The following JMJD1C variants were observed in gnomAD, a reference collection of about 807,000 sequenced individuals.
JMJD1C encodes the protein jumonji domain containing 1C.
JMJD1C carries 31 observed loss-of-function variants against 245.3 expected under a neutral mutation model. The ratio of observed to expected loss-of-function variants is 0.13; its 90% CI spans 0.09 to 0.17. The LOEUF is 0.17. Among genes scored for constraint, JMJD1C ranks in the 10% least tolerant of loss-of-function variants. The pLI is 1.00. For synonymous variants in JMJD1C, 1,057 were observed against 1,017.4 expected (o/e 1.04, Z -0.74); for missense variants, 2,691 against 3,000.2 (o/e 0.90, Z 2.41).
intron 3 of JMJD1C, among the ~76,000 whole-genome samples, chr10:63,264,433 A>G (rs1855270134): frequency 6.6e-6 from 1 of 152,172 alleles, no homozygotes; most frequent in African/African-American, 2.4e-5. Context: ...TTGCAACAGA[A>G]CACTGCCTGG....
intron 4 of JMJD1C, among the ~76,000 whole-genome samples, chr10:63,218,710 T>C (rs1848264989): frequency 6.6e-6 from 1 of 151,984 alleles, no homozygotes. Context: ...AGAAACAAAA[T>C]ATTATTTTTT....
At chr10:63,457,243 T>C (rs920419941) in intron 1 of JMJD1C, among the ~76,000 whole-genome samples, 1 of 152,194 alleles carries the variant, frequency 6.6e-6, no homozygotes, top group Non-Finnish European at 1.5e-5. Context: ...AGAACTAAGT[T>C]AATGCCAACG....
chr10:63,295,647 G>A (rs184523859), intron 2 of JMJD1C, among the ~76,000 whole-genome samples: 1 of 152,004 alleles, frequency 6.6e-6, no homozygotes, highest in East Asian at 1.9e-4. Flanking sequence ...CAAATTGTTA[G>A]AGACAAAATT....
Position 63,425,541 on chromosome 10 carries a change from G to T in JMJD1C, c.168+39954C>A, listed in dbSNP as rs189505562. ...TCATGTCTCTAATCCCAGGACTTTG[G>T]GAGGCCAAGACAGGCAGATCGCTTG... On this transcript the variant is annotated intron_variant, in intron 1 of 25. Transcript: ENST00000399262. Among the ~76,000 whole-genome samples, 891 of 152,248 alleles carry T rather than the reference G, an allele frequency of 5.9e-3. 13 individuals carry two copies. The highest frequency in any genetic ancestry group is 0.02 in the African/African-American group (840 of 41,548).
intron 3 of JMJD1C, among the ~76,000 whole-genome samples, chr10:63,238,038 G>A (rs1389935438): frequency 2.8e-5 from 4 of 143,582 alleles, no homozygotes; most frequent in Non-Finnish European, 4.5e-5. Flanking sequence ...AAAAAAAGCC[G>A]GGTATGGAGG....
intron 1 of JMJD1C, among the ~76,000 whole-genome samples, chr10:63,461,023 C>T (rs150523505): frequency 6.6e-6 from 1 of 152,124 alleles, no homozygotes; most frequent in East Asian, 1.9e-4. Flanking sequence ...AAACAACAGC[C>T]CCTTTAATTT....
At chr10:63,366,183 A>C (rs913386737) in intron 2 of JMJD1C, among the ~76,000 whole-genome samples, 8 of 152,196 alleles carry the variant, frequency 5.3e-5, no homozygotes, top group African/African-American at 1.9e-4. Context: ...GCAGGAGACT[A>C]AAGGTCAGCC....
intron 1 of JMJD1C, among the ~76,000 whole-genome samples, chr10:63,413,572 T>G (rs1353622631): frequency 6.6e-6 from 1 of 152,214 alleles, no homozygotes; most frequent in Non-Finnish European, 1.5e-5. Flanking sequence ...GGGGGAAAGA[T>G]TCTTCATAGC....
chr10:63,202,858 G>A, intron 10 of JMJD1C: 1 of 978,420 alleles, frequency 1.0e-6, no homozygotes, highest in Non-Finnish European at 1.2e-6. Flanking sequence ...TTTTTATTTG[G>A]AACACTTGCT....
chr10:63,171,981 GACA>G (rs1180819584), intron 24 of JMJD1C, among the ~76,000 whole-genome samples: 2 of 152,148 alleles, frequency 1.3e-5, no homozygotes, highest in Non-Finnish European at 2.9e-5. Context: ...GTGAATTACG[GACA>G]ACATCCTTTC....
At chr10:63,342,385 A>G (rs1340605156) in intron 2 of JMJD1C, among the ~76,000 whole-genome samples, 1 of 152,234 alleles carries the variant, frequency 6.6e-6, no homozygotes, top group African/African-American at 2.4e-5. Context: ...GAGACCTCTA[A>G]GACAAAAACC....
chr10:63,197,614 A>T lies in JMJD1C; in HGVS notation c.5492-51T>A, dbSNP rs746138132. 6.9e-6 allele frequency: 10 copies of T among 1,453,558 alleles called. No individual in the cohort carries two copies. The African/African-American group carries it at 1.3e-4, about 19-fold the overall frequency. The allele number at this position is 1,453,558 out of a possible 1,614,324, so 90.0% of individuals were successfully genotyped here. ...TTAAAGGCAAACATGCTCTTTTCCAAGGCAATTTTGGCTGAAATACAGAAG... is the reference window on the plus strand; with the variant it reads ...TTAAAGGCAAACATGCTCTTTTCCATGGCAATTTTGGCTGAAATACAGAAG... On this transcript the variant is annotated intron_variant, in intron 12 of 25. Transcript: ENST00000399262.
intron 1 of JMJD1C, among the ~76,000 whole-genome samples, chr10:63,437,381 CCT>C (rs1052631054): frequency 6.6e-6 from 1 of 152,094 alleles, no homozygotes; most frequent in South Asian, 2.1e-4. Flanking sequence ...CAAGCTCTTA[CCT>C]CTCTCTCACT....
chr10:63,354,128 T>C (rs1477390160), intron 2 of JMJD1C, among the ~76,000 whole-genome samples: 1 of 152,196 alleles, frequency 6.6e-6, no homozygotes, highest in Admixed American at 6.5e-5. Flanking sequence ...CATGAGCCAC[T>C]GCGCCTGGCC....
intron 3 of JMJD1C, among the ~76,000 whole-genome samples, chr10:63,255,199 C>A (rs138150922): frequency 6.6e-6 from 1 of 152,298 alleles, no homozygotes; most frequent in Non-Finnish European, 1.5e-5. Flanking sequence ...CAAGTCACAG[C>A]TGAGCTAAAC....
At chr10:63,427,456 C>T in intron 1 of JMJD1C, 1 of 1,160,806 alleles carries the variant, frequency 8.6e-7, no homozygotes, top group Non-Finnish European at 1.3e-6. Context: ...GCTGTCCCAG[C>T]AACTCCTGAC....
chr10:63,508,647 T>C (rs762995877), intron 1 of JMJD1C, among the ~76,000 whole-genome samples: 11 of 152,236 alleles, frequency 7.2e-5, no homozygotes, highest in Non-Finnish European at 1.5e-4. Flanking sequence ...AGTTCTTCTG[T>C]TTTCTTTCAT....
At chr10:63,445,979 G>A (rs1489232144) in intron 1 of JMJD1C, among the ~76,000 whole-genome samples, 7 of 147,090 alleles carry the variant, frequency 4.8e-5, no homozygotes, top group Non-Finnish European at 7.4e-5. Flanking sequence ...AGGCTCAGGC[G>A]ATTCTCCCAC....
intron 3 of JMJD1C, among the ~76,000 whole-genome samples, chr10:63,252,630 C>A (rs1004570954): frequency 6.6e-6 from 1 of 152,150 alleles, no homozygotes; most frequent in Non-Finnish European, 1.5e-5. Context: ...TATACAACCC[C>A]ACTTGCCACA....
Sources: allele counts gnomAD v4.1 joint callset (sites outside exome capture counted in the v4.1 genomes callset), GRCh38; gene constraint gnomAD v4.1.1; transcripts MANE v1.5; gene names NCBI Gene and HGNC (gene_info 2026-07-23, HGNC 2026-07-21).